The following MCMBP variants were observed in gnomAD, a reference collection of about 807,000 sequenced individuals.
MCMBP encodes mini-chromosome maintenance complex-binding protein.
Under a neutral mutation model 81.3 loss-of-function variants are expected in MCMBP, and 31 were observed. That is an observed-to-expected ratio of 0.38 (90% CI 0.29 to 0.51). The LOEUF (loss-of-function observed/expected upper bound fraction) is 0.51, where lower values mean the gene tolerates loss of function less well. MCMBP is among the 20% of genes least tolerant of loss of function. The pLI, the probability that MCMBP is intolerant of heterozygous loss-of-function variation, is 0.87. For missense variants in MCMBP, 645 were observed against 772.1 expected, an observed-to-expected ratio of 0.84 and a Z score of 1.95; for synonymous variants, 267 against 275.9, an observed-to-expected ratio of 0.97 and a Z score of 0.32.
At chr10:119,844,169 G>T (rs2475321) in intron 8 of MCMBP, among the ~76,000 whole-genome samples, 74,751 of 151,940 alleles carry the variant, frequency 0.49, 18,642 homozygotes, top group East Asian at 0.62. Flanking sequence ...CTCTTATCTT[G>T]CTAATTGTTT....
intron 5 of MCMBP, among the ~76,000 whole-genome samples, chr10:119,854,422 GC>G (rs1487790820): frequency 1.3e-5 from 2 of 151,694 alleles, no homozygotes; most frequent in East Asian, 1.9e-4. Context: ...TTAAGGTGAG[GC>G]CGGGTGTGGT....
chr10:119,860,123 C>A (rs1369299294), intron 1 of MCMBP, among the ~76,000 whole-genome samples: 1 of 152,176 alleles, frequency 6.6e-6, no homozygotes, highest in African/African-American at 2.4e-5. Flanking sequence ...CAGGAGGATG[C>A]TGACCTCCTG....
chr10:119,861,434 G>C (rs1209724556), intron 1 of MCMBP, among the ~76,000 whole-genome samples: 1 of 152,108 alleles, frequency 6.6e-6, no homozygotes, highest in African/African-American at 2.4e-5. Context: ...ACTCTTAGGG[G>C]TGGGGCCTAG....
In MCMBP at chr10:119,849,593, G is replaced by C. The variant is rs374286677; in HGVS notation, c.575-17C>G. 2.2e-5 allele frequency: 34 copies of C among 1,546,476 alleles called. No homozygotes were observed. The highest frequency in any genetic ancestry group is 1.7e-4 in the Middle Eastern group (1 of 5,868). On this transcript the variant is annotated splice_polypyrimidine_tract_variant and intron_variant, in intron 6 of 15. Transcript: ENST00000369077. ...CAACACTCCCTAAATTCAAAGGATA[G>C]CATTGCACTTAGTCATTTCTAAGGC...
Position 119,843,259 on chromosome 10 carries a change from T to C in MCMBP, c.995A>G (p.Lys332Arg), listed in dbSNP as rs1852501210. ...LPACLNKEES[K>R]TFVSSFMSEL... ...GCTGTAACACTTACACTTACAGGTT[T>C]TGCTCTCCTCTTTGTTAAGGCAGGC... Residue 332 changes from lysine (K) to arginine (R), a missense_variant, in exon 9 of 16, where the codon AAA becomes AGA. Physicochemically the swap from Lys to Arg is conservative, Grantham distance 26. Coordinates refer to ENST00000369077, the MANE Select transcript of MCMBP (RefSeq NM_001256378.2). 1 of 1,613,502 alleles carries C rather than the reference T, an allele frequency of 6.2e-7. No individual in the cohort carries two copies. The highest frequency in any genetic ancestry group is 8.5e-7 in the Non-Finnish European group (1 of 1,179,682).
At position 119,867,359 on chromosome 10, in the gene MCMBP, A is replaced by G. The variant is rs142840554; in HGVS notation, c.58+5168T>C. ...ATGGAGGGAGCACGTACTTTCACTC[A>G]GTTCATACCATCATGTTGATTTTTT... On this transcript the variant is annotated intron_variant, in intron 1 of 15. Transcript: ENST00000369077. Among the ~76,000 whole-genome samples the G allele has an allele frequency of 5.6e-4, 83 of 149,208 alleles. No individual in the cohort carries two copies. In the East Asian group the frequency reaches 0.011, roughly 20 times the overall value.
intron 6 of MCMBP, among the ~76,000 whole-genome samples, chr10:119,850,913 C>T (rs1452965603): frequency 2.9e-5 from 4 of 137,116 alleles, no homozygotes; most frequent in Non-Finnish European, 6.2e-5. Flanking sequence ...CTCACCCTGT[C>T]ACCCAGGCTG....
intron 1 of MCMBP, among the ~76,000 whole-genome samples, chr10:119,869,244 T>G (rs1464676118): frequency 1.3e-5 from 2 of 151,888 alleles, no homozygotes; most frequent in African/African-American, 4.8e-5. Context: ...GAGACCAGCC[T>G]TGCTAACATG....
chr10:119,869,659 A>G (rs553103405), intron 1 of MCMBP, among the ~76,000 whole-genome samples: 50 of 151,658 alleles, frequency 3.3e-4, no homozygotes, highest in Non-Finnish European at 6.5e-4. Flanking sequence ...TGAACCTGGG[A>G]GGAGGAGGTT....
chr10:119,851,371 G>C (rs755394755), intron 6 of MCMBP, among the ~76,000 whole-genome samples: 16 of 152,200 alleles, frequency 1.1e-4, no homozygotes, highest in Non-Finnish European at 1.0e-4. Flanking sequence ...CTGCTTAAGT[G>C]ATAAGAGAAT....
chr10:119,837,148 G>A lies in MCMBP; in HGVS notation c.1409-119C>T, dbSNP rs1010875153. On this transcript the variant is annotated intron_variant, in intron 12 of 15. Transcript: ENST00000369077. Reference sequence around the variant, plus strand: ...CCACTTTTAATAAAGGGTATGAGGCGCTGTCCAGTTTACTAAGCTAAACGT... The same window carrying A: ...CCACTTTTAATAAAGGGTATGAGGCACTGTCCAGTTTACTAAGCTAAACGT... The A allele has an allele frequency of 4.1e-5, 42 of 1,021,598 alleles. No homozygotes were observed. The Middle Eastern group carries it at 7.9e-4, about 19-fold the overall frequency. 63.3% of individuals were successfully genotyped at this position (1,021,598 alleles called of 1,614,324 possible).
chr10:119,832,871 A>G (rs1404167670), intron 14 of MCMBP, among the ~76,000 whole-genome samples: 1 of 152,186 alleles, frequency 6.6e-6, no homozygotes, highest in African/African-American at 2.4e-5. Context: ...AAACCCTTCA[A>G]TGGAAAAGCT....
intron 12 of MCMBP, among the ~76,000 whole-genome samples, chr10:119,838,048 A>G (rs1213558228): frequency 6.6e-6 from 1 of 151,780 alleles, no homozygotes; most frequent in Non-Finnish European, 1.5e-5. Flanking sequence ...TAGGTTATAT[A>G]CAACTACGCA....
intron 8 of MCMBP, among the ~76,000 whole-genome samples, chr10:119,846,696 A>T (rs201389455): frequency 6.6e-6 from 1 of 152,304 alleles, no homozygotes; most frequent in East Asian, 1.9e-4. Flanking sequence ...CCTGCCAAAA[A>T]TGCAAAACAT....
intron 1 of MCMBP, among the ~76,000 whole-genome samples, chr10:119,872,220 A>G (rs1054871454): frequency 1.3e-5 from 2 of 150,602 alleles, no homozygotes; most frequent in Admixed American, 1.3e-4. Flanking sequence ...TGGCCCTGCC[A>G]CAGGCTGGGA....
chr10:119,839,341 C>T (rs1396490854), intron 11 of MCMBP, among the ~76,000 whole-genome samples: 1 of 152,160 alleles, frequency 6.6e-6, no homozygotes, highest in African/African-American at 2.4e-5. Flanking sequence ...TACACCAATC[C>T]ATTCTTCCAT....
intron 1 of MCMBP, among the ~76,000 whole-genome samples, chr10:119,863,401 C>T (rs1853330028): frequency 6.6e-6 from 1 of 152,118 alleles, no homozygotes; most frequent in Non-Finnish European, 1.5e-5. Flanking sequence ...AAAAGAATAT[C>T]CTTTTTCCAT....
chr10:119,839,265 G>A (rs1852351503), intron 11 of MCMBP, among the ~76,000 whole-genome samples: 2 of 152,126 alleles, frequency 1.3e-5, no homozygotes, highest in South Asian at 2.1e-4. Flanking sequence ...ACGAGTAAGC[G>A]AACCATCTAT....
rs144585801 is a variant in MCMBP at position 119,849,526 on chromosome 10, C to T, written c.625G>A (p.Glu209Lys). The T allele has an allele frequency of 1.7e-5, 28 of 1,608,556 alleles. No individual in the cohort carries two copies. Among genetic ancestry groups the T allele is most frequent in the Non-Finnish European group, 2.2e-5 (26 of 1,178,524 alleles). Reference sequence around the variant, plus strand: ...TTCAGCTGTTGCCCAGTAGAAGCTTCAGTTTCTAAACGTTTTGGCTCTCCA... The same window carrying T: ...TTCAGCTGTTGCCCAGTAGAAGCTTTAGTTTCTAAACGTTTTGGCTCTCCA... ...WCGEPKRLETEASTGQQLNSL... is the reference protein window; with the variant it reads ...WCGEPKRLETKASTGQQLNSL... The change falls in exon 7 of 16, where the codon GAA (glutamate) becomes AAA (lysine). Residue 209 changes from glutamate (E) to lysine (K), a missense_variant. By Grantham distance (56) the Glu-to-Lys change is moderately conservative (BLOSUM62 1). Coordinates refer to ENST00000369077, the MANE Select transcript of MCMBP (RefSeq NM_001256378.2).
Sources: gnomAD v4.1 joint callset for allele counts (sites outside exome capture counted in the v4.1 genomes callset) on GRCh38, gnomAD v4.1.1 for gene constraint, MANE v1.5 for transcripts, NCBI Gene and HGNC (gene_info 2026-07-23, HGNC 2026-07-21) for gene names.